Variants in FUCA1 observed in about 807,000 individuals in gnomAD.
FUCA1 encodes the protein alpha-L-fucosidase 1, also known as tissue alpha-L-fucosidase.
FUCA1 carries 52 observed loss-of-function variants against 56.8 expected under a neutral mutation model. The ratio of observed to expected loss-of-function variants is 0.92; its 90% CI spans 0.73 to 1.15. The LOEUF (loss-of-function observed/expected upper bound fraction) is 1.15. Ranked by LOEUF, FUCA1 falls within the 50% of genes most tolerant of loss-of-function variation. FUCA1 has a pLI of 0.00. For missense variants in FUCA1, 568 were observed against 592.6 expected (o/e 0.96, Z 0.43); for synonymous variants, 230 against 226.6 (o/e 1.02, Z -0.14).
chr1:23,857,800 TG>T (rs1222458464), intron 4 of FUCA1, among the ~76,000 whole-genome samples: 4 of 151,634 alleles, frequency 2.6e-5, no homozygotes, highest in Non-Finnish European at 5.9e-5. Flanking sequence ...CCCAAGTAGC[TG>T]GGACTACAGG....
rs1639188291 is a variant in FUCA1, at chr1:23,848,579, G to A, written c.1160+70C>T. 11 of 1,447,672 alleles carry A rather than the reference G, an allele frequency of 7.6e-6. No individual in the cohort carries two copies. In the East Asian group the frequency reaches 2.0e-4, roughly 27 times the overall value. 89.7% of individuals were successfully genotyped at this position (1,447,672 alleles called of 1,614,324 possible). ...TTCCAGCCTGGCTTGTGACATTGTG[G>A]ACCCAAGGAGATACCAGTTCCGGAT... On this transcript the variant is annotated intron_variant, in intron 6 of 7. Transcript: ENST00000374479.
chr1:23,856,314 T>C (rs1201535633), intron 4 of FUCA1, among the ~76,000 whole-genome samples: 1 of 152,124 alleles, frequency 6.6e-6, no homozygotes, highest in Non-Finnish European at 1.5e-5. Context: ...GAACGCTCCC[T>C]GTACACTCAG....
chr1:23,849,728 G>A (rs1388278918), intron 5 of FUCA1, among the ~76,000 whole-genome samples: 2 of 151,630 alleles, frequency 1.3e-5, no homozygotes, highest in East Asian at 2.0e-4. Flanking sequence ...GACTACAGGT[G>A]CGCACCACCA....
At chr1:23,865,333 A>G (rs1350143193) in intron 2 of FUCA1, among the ~76,000 whole-genome samples, 158 bp downstream of exon 2, 1 of 152,220 alleles carries the variant, frequency 6.6e-6, no homozygotes, top group Admixed American at 6.5e-5. Context: ...GCTACTTGCT[A>G]TATGCAAACC....
At chr1:23,858,983 C>T (rs111847165) in intron 4 of FUCA1, among the ~76,000 whole-genome samples, 8 of 152,028 alleles carry the variant, frequency 5.3e-5, no homozygotes, top group African/African-American at 1.7e-4. Flanking sequence ...GGTCTCACTA[C>T]GTTGCCCAGG....
chr1:23,856,285 C>G (rs983274000), intron 4 of FUCA1, among the ~76,000 whole-genome samples: 1 of 152,100 alleles, frequency 6.6e-6, no homozygotes, highest in Non-Finnish European at 1.5e-5. Context: ...TCCTCTTTCT[C>G]AGAGTCCTCA....
chr1:23,865,428 G>T, intron 2 of FUCA1, 63 bp downstream of exon 2: 1 of 1,605,338 alleles, frequency 6.2e-7, no homozygotes, highest in Admixed American at 1.7e-5. Flanking sequence ...AAGTAGAGGA[G>T]GTACAGAACT....
chr1:23,856,561 A>G (rs1431047483), intron 4 of FUCA1, among the ~76,000 whole-genome samples: 1 of 152,226 alleles, frequency 6.6e-6, no homozygotes. Flanking sequence ...AGCATGCGGC[A>G]TGCTACGGCA....
intron 3 of FUCA1, among the ~76,000 whole-genome samples, chr1:23,861,910 A>G (rs761688154): frequency 6.6e-6 from 1 of 152,240 alleles, no homozygotes; most frequent in Non-Finnish European, 1.5e-5. Flanking sequence ...TTTACTGTGT[A>G]TAAGAAATTG....
intron 5 of FUCA1, among the ~76,000 whole-genome samples, chr1:23,853,517 G>T (rs1227209450): frequency 6.6e-6 from 1 of 152,000 alleles, no homozygotes; most frequent in East Asian, 1.9e-4. Context: ...CCCCTACTGG[G>T]AAGTGAGGAG....
At chr1:23,863,415 C>G (rs1215428154) in intron 2 of FUCA1, 144 bp from the exon 3 acceptor site, 4 of 786,410 alleles carry the variant, frequency 5.1e-6, no homozygotes, top group Non-Finnish European at 7.8e-6. Flanking sequence ...AAAACCATTT[C>G]CTTAAATTAT....
chr1:23,850,971 GTCTT>G (rs1367579433), intron 5 of FUCA1, among the ~76,000 whole-genome samples: 1 of 151,762 alleles, frequency 6.6e-6, no homozygotes, highest in Non-Finnish European at 1.5e-5. Flanking sequence ...TAGAGATGGG[GTCTT>G]TCTATTTTGG....
In FUCA1 at chr1:23,868,091, C is replaced by G. The variant is rs773410181; in HGVS notation, c.196G>C (p.Val66Leu). 6.2e-7 allele frequency: 1 copy of G among 1,611,888 alleles called. No individual in the cohort carries two copies. The highest frequency in any genetic ancestry group is 1.1e-5 in the South Asian group (1 of 90,914). The change falls in exon 1 of 8, where the codon GTG becomes CTG. Residue 66 changes from valine to leucine, a missense_variant. Coordinates refer to ENST00000374479, the MANE Select transcript of FUCA1 (RefSeq NM_000147.5). ...AKFGVFIHWGVFSVPAWGSEW... is the reference protein window; with the variant it reads ...AKFGVFIHWGLFSVPAWGSEW... ...CTGCCCCAGGCGGGCACCGAGAACA[C>G]GCCCCAGTGGATGAACACCCCGAAC... is the stretch of plus-strand genomic sequence containing the variant.
At chr1:23,864,351 G>C (rs967419190) in intron 2 of FUCA1, among the ~76,000 whole-genome samples, 2 of 152,104 alleles carry the variant, frequency 1.3e-5, no homozygotes, top group African/African-American at 4.8e-5. Context: ...GCCTCCCAAA[G>C]TGCTGGGATT....
intron 2 of FUCA1, among the ~76,000 whole-genome samples, chr1:23,864,570 T>C (rs778515602): frequency 2.6e-5 from 4 of 152,154 alleles, no homozygotes; most frequent in Non-Finnish European, 4.4e-5. Flanking sequence ...TAAATAAAGA[T>C]GGTAAAAATC....
chr1:23,865,877 A>G (rs1217243658), intron 1 of FUCA1, among the ~76,000 whole-genome samples: 4 of 152,202 alleles, frequency 2.6e-5, no homozygotes, highest in Non-Finnish European at 5.9e-5. Flanking sequence ...GCCCAGAGGG[A>G]AGGAAGGAGT....
At position 23,865,569 on chromosome 1, in the gene FUCA1, A is replaced by C; in HGVS notation, c.446T>G (p.Val149Gly). ...GTCTTTGGAGTTCCAGTTCCAAGAC[A>C]CAGGACTCGGCCAGTTTGTGAAGCC... Reference protein sequence around the residue: ...HEGFTNWPSPVSWNWNSKDVG... With the variant: ...HEGFTNWPSPGSWNWNSKDVG... Residue 149 changes from valine (V) to glycine (G), a missense_variant, in exon 2 of 8, where the codon GTG becomes GGG. By Grantham distance (109) the Val-to-Gly change is moderately radical. Transcript: ENST00000374479. 6.2e-7 allele frequency: 1 copy of C among 1,614,236 alleles called. No homozygotes were observed. The highest frequency in any genetic ancestry group is 8.5e-7 in the Non-Finnish European group (1 of 1,180,044).
chr1:23,864,191 A>T (rs1639573346), intron 2 of FUCA1, among the ~76,000 whole-genome samples: 1 of 146,304 alleles, frequency 6.8e-6, no homozygotes, highest in South Asian at 2.1e-4. Context: ...GGTTCACGCC[A>T]TTCTCCTACC....
rs1265884392 is a variant in FUCA1, at chr1:23,868,278, A to C, written c.9T>G (p.Ala3=). Residue 3 remains alanine (A), a synonymous_variant, in exon 1 of 8, where the codon GCT becomes GCG. Transcript: ENST00000374479. MR[A]PGMRSRPAGP... is the part of the protein sequence containing the mutation. ...CCGCCGGCCGCGACCTCATCCCCGG[A>C]GCCCGCATCGCTACCCCTCAGCGAC... is the stretch of plus-strand genomic sequence containing the variant. 5 of 1,550,742 alleles carry C rather than the reference A, an allele frequency of 3.2e-6. No individual in the cohort carries two copies. In the Admixed American group the frequency reaches 5.8e-5, roughly 18 times the overall value.
Sources: allele counts gnomAD v4.1 joint callset (sites outside exome capture counted in the v4.1 genomes callset), GRCh38; gene constraint gnomAD v4.1.1; transcripts MANE v1.5; gene names NCBI Gene and HGNC (gene_info 2026-07-23, HGNC 2026-07-21).